ELAVL4: variants seen among roughly 807,000 people sequenced by gnomAD.
ELAVL4 encodes the protein ELAV-like protein 4.
In ELAVL4, 1 loss-of-function variant was observed where a neutral mutation model predicts 35.6. That is an observed-to-expected ratio of 0.03 (90% CI 0.01 to 0.13). The LOEUF is 0.13. Among genes scored for constraint, ELAVL4 ranks in the 10% least tolerant of loss-of-function variants. ELAVL4 has a pLI of 1.00. For missense variants in ELAVL4, 267 were observed against 464.9 expected (o/e 0.57, Z 3.91); for synonymous variants, 156 against 171.0 (o/e 0.91, Z 0.69).
intron 3 of ELAVL4, among the ~76,000 whole-genome samples, chr1:50,189,715 A>G (rs773111174): frequency 1.3e-5 from 2 of 152,232 alleles, no homozygotes; most frequent in African/African-American, 2.4e-5. Context: ...CTCATCACAT[A>G]ATAATATGTG....
intron 3 of ELAVL4, among the ~76,000 whole-genome samples, chr1:50,184,543 A>C (rs2148853908): frequency 6.6e-6 from 1 of 152,312 alleles, no homozygotes; most frequent in Non-Finnish European, 1.5e-5. Context: ...ATATTTTAAA[A>C]GATTGTCTAA....
At chr1:50,133,637 A>AAGAAAGAAAGAAAG (rs1489020523) in intron 1 of ELAVL4, among the ~76,000 whole-genome samples, 2 of 148,764 alleles carry the variant, frequency 1.3e-5, no homozygotes, top group Admixed American at 1.3e-4. Flanking sequence ...GAAAGAAAGA[A>AAGAAAGAAAGAAAG]AGAAAGAAAG....
chr1:50,102,099 A>G (rs1379734092), upstream of ELAVL4, among the ~76,000 whole-genome samples: 2 of 152,200 alleles, frequency 1.3e-5, no homozygotes, highest in African/African-American at 4.8e-5. Context: ...CATCCTGGCT[A>G]ACACGGTGAA....
chr1:50,121,409 A>G (rs1669013649), intron 1 of ELAVL4, among the ~76,000 whole-genome samples: 1 of 152,056 alleles, frequency 6.6e-6, no homozygotes, highest in East Asian at 1.9e-4. Flanking sequence ...TAAAAATTAA[A>G]ACAATGGAAT....
intron 1 of ELAVL4, among the ~76,000 whole-genome samples, chr1:50,133,653 G>A (rs371956295): frequency 1.9e-3 from 225 of 116,164 alleles, no homozygotes; most frequent in East Asian, 8.7e-3. Context: ...GAAAGAAAGA[G>A]AAAGAAAGAA....
chr1:50,131,150 G>A (rs987310278), intron 1 of ELAVL4, among the ~76,000 whole-genome samples: 1 of 151,996 alleles, frequency 6.6e-6, no homozygotes, highest in African/African-American at 2.4e-5. Context: ...AAATATACAT[G>A]ATAATATACA....
chr1:50,113,621 C>G (rs1247098638), intron 1 of ELAVL4, among the ~76,000 whole-genome samples: 1 of 152,000 alleles, frequency 6.6e-6, no homozygotes, highest in East Asian at 1.9e-4. Context: ...TATTTTTTTC[C>G]CAATGTCATT....
intron 1 of ELAVL4, among the ~76,000 whole-genome samples, chr1:50,093,638 C>T (rs1019044216): frequency 2.6e-5 from 4 of 152,304 alleles, no homozygotes; most frequent in African/African-American, 9.6e-5. Context: ...AGAGAAGCAT[C>T]AGTCAAGAAA....
At chr1:50,150,738 T>C (rs769449080) in intron 2 of ELAVL4, among the ~76,000 whole-genome samples, 6 of 152,144 alleles carry the variant, frequency 3.9e-5, no homozygotes, top group Non-Finnish European at 8.8e-5. Flanking sequence ...ATATAAACAA[T>C]AAAAGGCTCT....
intron 1 of ELAVL4, among the ~76,000 whole-genome samples, chr1:50,058,853 CT>C (rs1663817906): frequency 6.6e-6 from 1 of 152,096 alleles, no homozygotes; most frequent in African/African-American, 2.4e-5. Flanking sequence ...ATCCATCCCC[CT>C]GAGCTTCCCA....
At chr1:50,116,189 T>G (rs1397115167) in intron 1 of ELAVL4, among the ~76,000 whole-genome samples, 1 of 152,110 alleles carries the variant, frequency 6.6e-6, no homozygotes, top group Non-Finnish European at 1.5e-5. Flanking sequence ...CAGCAGCCCA[T>G]GAAGCTTGGC....
At chr1:50,200,421 T>A (rs1644329593) in intron 6 of ELAVL4, among the ~76,000 whole-genome samples, 2 of 152,078 alleles carry the variant, frequency 1.3e-5, no homozygotes, top group African/African-American at 2.4e-5. Context: ...GATTCCCATA[T>A]GTGCTCCACT....
chr1:50,109,015 T>TCGGGGGGGGGGGCC lies in ELAVL4; in HGVS notation c.-174_-173insGGGGGGGGGGGCCC. The TCGGGGGGGGGGGCC allele has an allele frequency of 1.0e-6, 1 of 961,066 alleles. No individual in the cohort carries two copies. The highest frequency in any genetic ancestry group is 1.2e-6 in the Non-Finnish European group (1 of 816,946). The allele number at this position is 961,066 out of a possible 1,614,324, so 59.5% of individuals were successfully genotyped here. A position where few individuals can be genotyped will look rare whatever the true frequency, so the allele number is the denominator to read the frequency against. ...GCTCCTTTTCTTTTTTTTCTTTCTC[T>TCGGGGGGGGGGGCC]CCCCCGCCCACCCCCCCAAAAATAA... On this transcript the variant is annotated 5_prime_UTR_variant, in exon 1 of 7. Transcript: ENST00000371824.
intron 1 of ELAVL4, chr1:50,048,225 C>G: frequency 6.7e-7 from 1 of 1,490,392 alleles, no homozygotes; most frequent in Non-Finnish European, 8.9e-7. Flanking sequence ...CGACTCTGCC[C>G]GCCCTCTGTT....
At chr1:50,140,630 A>G (rs1460658920) in intron 1 of ELAVL4, among the ~76,000 whole-genome samples, 1 of 152,016 alleles carries the variant, frequency 6.6e-6, no homozygotes, top group African/African-American at 2.4e-5. Context: ...GCATCCTAAG[A>G]TGCATCATTA....
rs569877471 is a variant in ELAVL4, at chr1:50,128,262, G to A, written c.10-16695G>A. On this transcript the variant is annotated intron_variant, in intron 1 of 6. Transcript: ENST00000371824. ...AGCCTCTTGGGATAGTTTGAAGGAA[G>A]TTGAGTGAGACAACAATGATGAGGG... Among the ~76,000 whole-genome samples, 3 of 152,250 alleles carry A rather than the reference G, an allele frequency of 2.0e-5. No individual in the cohort carries two copies. The South Asian group carries it at 6.2e-4, about 32-fold the overall frequency.
At chr1:50,200,523 GGGT>G (rs1644336624) in intron 6 of ELAVL4, among the ~76,000 whole-genome samples, 1 of 152,038 alleles carries the variant, frequency 6.6e-6, no homozygotes, top group Admixed American at 6.6e-5. Flanking sequence ...AGTCGGGGTG[GGGT>G]GGAGTCAGGT....
At chr1:50,172,395 T>C (rs1223985086) in intron 2 of ELAVL4, among the ~76,000 whole-genome samples, 1 of 152,220 alleles carries the variant, frequency 6.6e-6, no homozygotes, top group African/African-American at 2.4e-5. Flanking sequence ...GGTCTCAGAA[T>C]CATTGTTATT....
chr1:50,049,099 G>A (rs1663223152), intron 1 of ELAVL4, among the ~76,000 whole-genome samples: 1 of 152,182 alleles, frequency 6.6e-6, no homozygotes, highest in Non-Finnish European at 1.5e-5. Context: ...TGATTCCCAA[G>A]CTGTTAGCCA....
Sources: allele counts gnomAD v4.1 joint callset (sites outside exome capture counted in the v4.1 genomes callset), GRCh38; gene constraint gnomAD v4.1.1; transcripts MANE v1.5; gene names NCBI Gene and HGNC (gene_info 2026-07-23, HGNC 2026-07-21).